YWHAE: variants seen among roughly 807,000 people sequenced by gnomAD.
YWHAE encodes the protein 14-3-3 protein epsilon.
YWHAE carries 4 observed loss-of-function variants against 30.1 expected under a neutral mutation model. That is an observed-to-expected ratio of 0.13 (90% confidence interval 0.07 to 0.30). The LOEUF (loss-of-function observed/expected upper bound fraction) is 0.30. Among genes scored for constraint, YWHAE ranks in the 10% least tolerant of loss-of-function variants. YWHAE has a pLI of 1.00. For synonymous variants in YWHAE, 118 were observed against 111.8 expected (o/e 1.06, Z -0.35); for missense variants, 121 against 315.9 (o/e 0.38, Z 4.68).
In YWHAE at chr17:1,344,793, C is replaced by T. The variant is rs2072489366; in HGVS notation, c.*654G>A. 1 of 232,910 alleles carries T rather than the reference C, an allele frequency of 4.3e-6. No homozygotes were observed. The highest frequency in any genetic ancestry group is 2.2e-5 in the African/African-American group (1 of 45,246). 14.4% of individuals were successfully genotyped at this position (232,910 alleles called of 1,614,324 possible). A position where few individuals can be genotyped will look rare whatever the true frequency, so the allele number is the denominator to read the frequency against. ...AACAGGCATGCAGGCTTTTCCATAC[C>T]ACCTTCAACGCTAACCTGCTTCAGT... On this transcript the variant is annotated 3_prime_UTR_variant, in exon 6 of 6. Transcript: ENST00000264335.
intron 1 of YWHAE, among the ~76,000 whole-genome samples, chr17:1,372,317 T>C (rs548684922): frequency 1.8e-4 from 27 of 152,374 alleles, no homozygotes; most frequent in African/African-American, 6.3e-4. Flanking sequence ...TATGGCAGGT[T>C]TGATCTTCTA....
At chr17:1,388,446 G>A (rs1415722586) in intron 1 of YWHAE, among the ~76,000 whole-genome samples, 1 of 151,766 alleles carries the variant, frequency 6.6e-6, no homozygotes, top group Non-Finnish European at 1.5e-5. Context: ...AACCCAGGAG[G>A]TGGAGCTTGC....
At chr17:1,377,031 A>T (rs764916059) in intron 1 of YWHAE, among the ~76,000 whole-genome samples, 8 of 150,362 alleles carry the variant, frequency 5.3e-5, no homozygotes, top group Non-Finnish European at 1.0e-4. Context: ...CTCTTGCCCC[A>T]GCCTCCCTGG....
chr17:1,369,672 C>G (rs1056060654), intron 1 of YWHAE: 2 of 152,178 alleles, frequency 1.3e-5, no homozygotes, highest in African/African-American at 4.8e-5. Context: ...CGCCTCTACA[C>G]ACTTGTCTCT....
intron 4 of YWHAE, among the ~76,000 whole-genome samples, chr17:1,360,717 G>C (rs1374072047): frequency 6.6e-6 from 1 of 152,158 alleles, no homozygotes; most frequent in Non-Finnish European, 1.5e-5. Flanking sequence ...AGTGATCTGA[G>C]ATGGCGCCAC....
intron 1 of YWHAE, among the ~76,000 whole-genome samples, chr17:1,387,140 T>C (rs951566268): frequency 1.3e-5 from 2 of 152,222 alleles, no homozygotes; most frequent in East Asian, 1.9e-4. Context: ...TAGGGCAGGG[T>C]TGTGCTCACT....
chr17:1,374,045 C>T (rs936460146), intron 1 of YWHAE, among the ~76,000 whole-genome samples: 4 of 152,030 alleles, frequency 2.6e-5, no homozygotes, highest in African/African-American at 7.2e-5. Flanking sequence ...AGGCCAGGTG[C>T]GGTGGCTCAC....
At chr17:1,373,924 C>T (rs975363797) in intron 1 of YWHAE, among the ~76,000 whole-genome samples, 1 of 152,150 alleles carries the variant, frequency 6.6e-6, no homozygotes, top group African/African-American at 2.4e-5. Context: ...ATGGAGTCGG[C>T]TGTGACTGGC....
chr17:1,354,979 T>C lies in YWHAE; in HGVS notation c.579-632A>G, dbSNP rs1169429792. Among the ~76,000 whole-genome samples the C allele has an allele frequency of 1.2e-4, 9 of 74,454 alleles. 1 individual carries two copies. Among genetic ancestry groups the C allele is most frequent in the African/African-American group, 8.8e-4 (9 of 10,218 alleles). 48.8% of individuals were successfully genotyped at this position (74,454 alleles called of 152,430 possible). A position where few individuals can be genotyped will look rare whatever the true frequency, so the allele number is the denominator to read the frequency against. ...GCCCAGCCTAGTTTTTTTTTTTTTT[T>C]TTTTTTTTTTTTTTTTTTAAGGGAT... On this transcript the variant is annotated intron_variant, in intron 4 of 5. Coordinates refer to ENST00000264335, the MANE Select transcript of YWHAE (RefSeq NM_006761.5).
intron 2 of YWHAE, among the ~76,000 whole-genome samples, chr17:1,363,604 C>T (rs2072896570): frequency 6.6e-6 from 1 of 152,192 alleles, no homozygotes; most frequent in Non-Finnish European, 1.5e-5. Context: ...GTATGTCAAA[C>T]ACCCAAAACC....
chr17:1,373,745 T>C (rs1241340176), intron 1 of YWHAE, among the ~76,000 whole-genome samples: 1 of 151,946 alleles, frequency 6.6e-6, no homozygotes, highest in East Asian at 1.9e-4. Flanking sequence ...GCACCTGCTG[T>C]TGGAAAATGG....
intron 2 of YWHAE, 48 bp from the exon 3 acceptor site, chr17:1,362,056 T>C (rs755350498): frequency 3.6e-6 from 4 of 1,100,718 alleles, no homozygotes; most frequent in Non-Finnish European, 5.1e-6. Flanking sequence ...CTAGAAATTC[T>C]ACAAATTATT....
At chr17:1,389,485 C>G (rs990930718) in intron 1 of YWHAE, among the ~76,000 whole-genome samples, 14 of 151,918 alleles carry the variant, frequency 9.2e-5, no homozygotes, top group Non-Finnish European at 1.8e-4. Context: ...CTTAAGTAAT[C>G]TGAGATGGCT....
intron 1 of YWHAE, among the ~76,000 whole-genome samples, chr17:1,397,846 T>C (rs1359910437): frequency 2.0e-5 from 3 of 152,140 alleles, no homozygotes; most frequent in East Asian, 1.9e-4. Context: ...GTCACAGCAA[T>C]AGCTCCTCAC....
chr17:1,355,148 A>ATATT (rs2072717124), intron 4 of YWHAE, among the ~76,000 whole-genome samples: 1 of 76,796 alleles, frequency 1.3e-5, no homozygotes, highest in East Asian at 3.3e-4. Flanking sequence ...AAAAAAAAAA[A>ATATT]TTTTTTTTTT....
chr17:1,370,550 C>CCT (rs1263228180), intron 1 of YWHAE, among the ~76,000 whole-genome samples: 1 of 152,066 alleles, frequency 6.6e-6, no homozygotes, highest in African/African-American at 2.4e-5. Context: ...CCTGCCTCAG[C>CCT]CTCCCAAGTA....
intron 1 of YWHAE, chr17:1,399,504 T>G: frequency 6.4e-6 from 1 of 155,372 alleles, no homozygotes; most frequent in East Asian, 2.0e-4. Flanking sequence ...CTCTCAAAGG[T>G]CCTCCTTTGT....
At chr17:1,369,816 T>C (rs1056050526) in intron 1 of YWHAE, 1 of 152,242 alleles carries the variant, frequency 6.6e-6, no homozygotes, top group Non-Finnish European at 1.5e-5. Flanking sequence ...AAGTTATGTT[T>C]AAACTACACT....
intron 1 of YWHAE, among the ~76,000 whole-genome samples, chr17:1,387,529 T>C (rs1474565617): frequency 6.6e-6 from 1 of 152,164 alleles, no homozygotes; most frequent in East Asian, 1.9e-4. Context: ...TTGGGTCCAA[T>C]TCGGTTTAGT....
Sources: allele counts gnomAD v4.1 joint callset (sites outside exome capture counted in the v4.1 genomes callset), GRCh38; gene constraint gnomAD v4.1.1; transcripts MANE v1.5; gene names NCBI Gene and HGNC (gene_info 2026-07-23, HGNC 2026-07-21).